VPS26B: variants seen among roughly 807,000 people sequenced by gnomAD.
The protein encoded by VPS26B is VPS26 retromer complex component B.
Under a neutral mutation model 33.3 loss-of-function variants are expected in VPS26B, and 10 were observed. The observed-to-expected ratio is 0.30, with a 90% confidence interval of 0.19 to 0.51. The LOEUF (loss-of-function observed/expected upper bound fraction) is 0.51, where lower values mean the gene tolerates loss of function less well. Ranked by LOEUF, VPS26B falls within the 20% of genes least tolerant of loss-of-function variation. VPS26B has a pLI of 0.98. For synonymous variants in VPS26B, 190 were observed against 176.9 expected, an observed-to-expected ratio of 1.07 and a Z score of -0.59; for missense variants, 317 against 452.7, an observed-to-expected ratio of 0.70 and a Z score of 2.72.
intron 1 of VPS26B, among the ~76,000 whole-genome samples, chr11:134,228,734 G>C (rs1433378783): frequency 6.6e-6 from 1 of 152,214 alleles, no homozygotes; most frequent in Non-Finnish European, 1.5e-5. Context: ...ACCTGTGTCA[G>C]TCATTGTAAA....
chr11:134,228,056 A>G (rs1040164857), intron 1 of VPS26B, among the ~76,000 whole-genome samples: 1 of 152,260 alleles, frequency 6.6e-6, no homozygotes, highest in African/African-American at 2.4e-5. Flanking sequence ...TCAATTATCC[A>G]TGGTTACGTG....
Position 134,243,175 on chromosome 11 carries a change from A to C in VPS26B, c.602A>C (p.Lys201Thr). The C allele has an allele frequency of 6.2e-7, 1 of 1,614,238 alleles. No individual in the cohort carries two copies. The highest frequency in any genetic ancestry group is 8.5e-7 in the Non-Finnish European group (1 of 1,180,048). Residue 201 changes from lysine to threonine, a missense_variant, in exon 4 of 6, where the codon AAA (lysine) becomes ACA (threonine). Lys to Thr is a moderately conservative substitution (Grantham distance 78). Transcript: ENST00000281187. ...GKIYFLLVRIKIKHMEIDIIK... is the reference protein window; with the variant it reads ...GKIYFLLVRITIKHMEIDIIK... ...ATATACTTCCTGCTGGTGAGAATCA[A>C]AATCAAGCACATGGAGATAGACATC...
At chr11:134,227,447 GC>G (rs1315880094) in intron 1 of VPS26B, among the ~76,000 whole-genome samples, 1 of 152,144 alleles carries the variant, frequency 6.6e-6, no homozygotes, top group African/African-American at 2.4e-5. Context: ...AATGTCTTCT[GC>G]CCCAGACAGT....
Position 134,245,328 on chromosome 11 carries a change from G to C in VPS26B, c.865-116G>C. 1 of 1,469,096 alleles carries C rather than the reference G, an allele frequency of 6.8e-7. No individual in the cohort carries two copies. Among genetic ancestry groups the C allele is most frequent in the Non-Finnish European group, 9.2e-7 (1 of 1,082,434 alleles). 91.0% of individuals were successfully genotyped at this position (1,469,096 alleles called of 1,614,324 possible). A position where few individuals can be genotyped will look rare whatever the true frequency, so the allele number is the denominator to read the frequency against. Reference sequence around the variant, plus strand: ...CTGGCAGCTGCTGCCTTTGGTGAGAGAGAAGCAGAGGAGGTCCTTGCCCGA... The same window carrying C: ...CTGGCAGCTGCTGCCTTTGGTGAGACAGAAGCAGAGGAGGTCCTTGCCCGA... On this transcript the variant is annotated intron_variant, in intron 5 of 5. Coordinates refer to ENST00000281187, the MANE Select transcript of VPS26B (RefSeq NM_052875.5). The surrounding 1 kb of genome is among the most constrained non-coding windows in gnomAD (Gnocchi z 4.7).
Position 134,245,113 on chromosome 11 carries a change from C to G in VPS26B, c.864+33C>G, listed in dbSNP as rs542560. 4.7e-3 allele frequency: 7,517 copies of G among 1,611,502 alleles called. 27 individuals carry two copies. The highest frequency in any genetic ancestry group is 5.5e-3 in the Non-Finnish European group (6,496 of 1,179,176). ...CCAGGCTCCTCCAGGCCCCGATGCCCTTGGGACAGAACAGGAGGCTCTCTT... is the reference window on the plus strand; with the variant it reads ...CCAGGCTCCTCCAGGCCCCGATGCCGTTGGGACAGAACAGGAGGCTCTCTT... On this transcript the variant is annotated intron_variant, in intron 5 of 5. Transcript: ENST00000281187. The surrounding 1 kb of genome is among the most constrained non-coding windows in gnomAD (Gnocchi z 4.7).
chr11:134,234,782 C>A, intron 1 of VPS26B, 115 bp from the exon 2 acceptor site: 1 of 1,307,098 alleles, frequency 7.7e-7, no homozygotes, highest in Non-Finnish European at 1.1e-6. Context: ...GTCTGTTCTG[C>A]AGGGAGGTCC....
At chr11:134,227,341 C>T (rs1325586185) in intron 1 of VPS26B, among the ~76,000 whole-genome samples, 1 of 152,118 alleles carries the variant, frequency 6.6e-6, no homozygotes, top group East Asian at 1.9e-4. Context: ...TCTTTGGCTC[C>T]ATAATAATAA....
rs966494839 is a variant in VPS26B, at chr11:134,245,717, A to G, written c.*127A>G. The G allele has an allele frequency of 2.4e-6, 3 of 1,247,840 alleles. No individual in the cohort carries two copies. Among genetic ancestry groups the G allele is most frequent in the Non-Finnish European group, 3.2e-6 (3 of 925,928 alleles). The allele number at this position is 1,247,840 out of a possible 1,614,324, so 77.3% of individuals were successfully genotyped here. On this transcript the variant is annotated 3_prime_UTR_variant, in exon 6 of 6. Transcript: ENST00000281187. The surrounding 1 kb of genome is among the most constrained non-coding windows in gnomAD (Gnocchi z 4.7). ...GTTACTTGCAACCTGAAAACAAATC[A>G]TGTTTTTGACTTAAATTCTTTTCTC...
At position 134,246,400 on chromosome 11, in the gene VPS26B, T is replaced by G. The variant is rs1281130298; in HGVS notation, c.*810T>G. 1.3e-5 allele frequency: 2 copies of G among 152,152 alleles called. No individual in the cohort carries two copies. Among genetic ancestry groups the G allele is most frequent in the African/African-American group, 2.4e-5 (1 of 41,416 alleles). 9.4% of individuals were successfully genotyped at this position (152,152 alleles called of 1,614,324 possible). A position where few individuals can be genotyped will look rare whatever the true frequency, so the allele number is the denominator to read the frequency against. On this transcript the variant is annotated 3_prime_UTR_variant, in exon 6 of 6. Transcript: ENST00000281187. ...CCCAAGGTCTGGGCTGTTCTAGGTA[T>G]TGCTTCACGTGCCCCAGCAAGCCCT...
Position 134,235,159 on chromosome 11 carries a change from G to C in VPS26B, c.380+106G>C, listed in dbSNP as rs1591879900. ...AGAATCTTCACAGGGATCCCGAGAAGGAAGAGTGTCGCGAGCTGTGGCGTG... is the reference window on the plus strand; with the variant it reads ...AGAATCTTCACAGGGATCCCGAGAACGAAGAGTGTCGCGAGCTGTGGCGTG... On this transcript the variant is annotated intron_variant, in intron 2 of 5. Transcript: ENST00000281187. The C allele has an allele frequency of 4.9e-6, 7 of 1,418,984 alleles. No homozygotes were observed. In the East Asian group the frequency reaches 1.2e-4, roughly 24 times the overall value. 87.9% of individuals were successfully genotyped at this position (1,418,984 alleles called of 1,614,324 possible). A position where few individuals can be genotyped will look rare whatever the true frequency, so the allele number is the denominator to read the frequency against.
At chr11:134,233,654 G>A (rs1162035640) in intron 1 of VPS26B, among the ~76,000 whole-genome samples, 1 of 152,116 alleles carries the variant, frequency 6.6e-6, no homozygotes, top group Non-Finnish European at 1.5e-5. Context: ...GAACCCAGGA[G>A]GCGGAGGTTG....
Position 134,240,004 on chromosome 11 carries a change from G to T in VPS26B, c.394G>T (p.Ala132Ser). ...QNVKLRYFLR[A>S]TISRRLNDVV... ...CGTCTCCTACAGCTATTTCCTTCGT[G>T]CTACCATCAGCCGCCGCCTCAATGA... Residue 132 changes from alanine to serine, a missense_variant, in exon 3 of 6, where the codon GCT becomes TCT. Transcript: ENST00000281187. The surrounding 1 kb of genome is among the most constrained non-coding windows in gnomAD (Gnocchi z 4.4). 1 of 1,614,122 alleles carries T rather than the reference G, an allele frequency of 6.2e-7. No homozygotes were observed. The highest frequency in any genetic ancestry group is 1.7e-4 in the Middle Eastern group (1 of 6,060).
rs2136056168 is a variant in VPS26B at position 134,247,402 on chromosome 11, A to C, written c.*1812A>C. 2.0e-5 allele frequency: 3 copies of C among 152,342 alleles called. No homozygotes were observed. Among genetic ancestry groups the C allele is most frequent in the East Asian group, 3.9e-4 (2 of 5,180 alleles). The allele number at this position is 152,342 out of a possible 1,614,324, so 9.4% of individuals were successfully genotyped here. The stretch of plus-strand genomic sequence containing the variant: ...CAATTCCTTTGCCTCCCAACTGACA[A>C]CACACGTTCATTTTCCAACCTTCCT... On this transcript the variant is annotated 3_prime_UTR_variant, in exon 6 of 6. Coordinates refer to ENST00000281187, the MANE Select transcript of VPS26B (RefSeq NM_052875.5).
chr11:134,233,026 C>T (rs965202234), intron 1 of VPS26B, among the ~76,000 whole-genome samples: 5 of 152,206 alleles, frequency 3.3e-5, no homozygotes, highest in Admixed American at 6.5e-5. Context: ...GGAGCTGCCA[C>T]CTCCCACTCT....
intron 1 of VPS26B, among the ~76,000 whole-genome samples, chr11:134,227,823 TGTA>T (rs1278249528): frequency 6.6e-6 from 1 of 152,224 alleles, no homozygotes; most frequent in Non-Finnish European, 1.5e-5. Context: ...TTATGGTAGT[TGTA>T]GTAAAATGTT....
In VPS26B at chr11:134,245,136, C is replaced by T. The variant is rs1938790447; in HGVS notation, c.864+56C>T. The T allele has an allele frequency of 9.5e-6, 15 of 1,587,288 alleles. No homozygotes were observed. Among genetic ancestry groups the T allele is most frequent in the Non-Finnish European group, 1.3e-5 (15 of 1,169,322 alleles). On this transcript the variant is annotated intron_variant, in intron 5 of 5. Transcript: ENST00000281187. This position sits in a 1 kb window ranked among gnomAD's most constrained non-coding sequence, Gnocchi z 4.7. ...CCCTTGGGACAGAACAGGAGGCTCTCTTTCCTATGGAAGGTCAGACTCCAT... is the reference window on the plus strand; with the variant it reads ...CCCTTGGGACAGAACAGGAGGCTCTTTTTCCTATGGAAGGTCAGACTCCAT...
At chr11:134,230,600 T>C (rs767707490) in intron 1 of VPS26B, among the ~76,000 whole-genome samples, 55 of 152,202 alleles carry the variant, frequency 3.6e-4, no homozygotes, top group Non-Finnish European at 7.1e-4. Flanking sequence ...TAAGGAAGTA[T>C]TAAAGCTGAT....
chr11:134,245,908 G>C lies in VPS26B; in HGVS notation c.*318G>C. ...TTAGAGGAGGGAGAGCAGAGAGCAC[G>C]CATCCTTGGCTCCTGGCTCTCTGAG... On this transcript the variant is annotated 3_prime_UTR_variant, in exon 6 of 6. Coordinates refer to ENST00000281187, the MANE Select transcript of VPS26B (RefSeq NM_052875.5). This position sits in a 1 kb window ranked among gnomAD's most constrained non-coding sequence, Gnocchi z 4.7. 3 of 308,074 alleles carry C rather than the reference G, an allele frequency of 9.7e-6. No individual in the cohort carries two copies. The South Asian group carries it at 1.5e-4, about 16-fold the overall frequency. The allele number at this position is 308,074 out of a possible 1,614,324, so 19.1% of individuals were successfully genotyped here. A position where few individuals can be genotyped will look rare whatever the true frequency, so the allele number is the denominator to read the frequency against.
chr11:134,230,141 T>C (rs1938536525), intron 1 of VPS26B, among the ~76,000 whole-genome samples: 1 of 152,234 alleles, frequency 6.6e-6, no homozygotes, highest in Non-Finnish European at 1.5e-5. Context: ...TTAATACCTC[T>C]TTTCAAGCCG....
Sources: allele counts gnomAD v4.1 joint callset (sites outside exome capture counted in the v4.1 genomes callset), GRCh38; gene constraint gnomAD v4.1.1; non-coding constraint Gnocchi (gnomAD v3.1); transcripts MANE v1.5; gene names NCBI Gene and HGNC (gene_info 2026-07-23, HGNC 2026-07-21).